TRPM5: variants seen among roughly 807,000 people sequenced by gnomAD.
TRPM5 encodes the protein transient receptor potential cation channel subfamily M member 5, also known as MLSN1 and TRP-related.
In TRPM5, 121 loss-of-function variants were observed where a neutral mutation model predicts 124.9. The observed-to-expected ratio is 0.97, with a 90% confidence interval of 0.84 to 1.13. The LOEUF (loss-of-function observed/expected upper bound fraction) is 1.13, where lower values mean the gene tolerates loss of function less well. Among genes scored for constraint, TRPM5 ranks in the 50% most tolerant of loss-of-function variants. The pLI is 0.00. For missense variants in TRPM5, 1,643 were observed against 1,589.1 expected (o/e 1.03, Z -0.58); for synonymous variants, 781 against 700.5 (o/e 1.11, Z -1.81).
the TRPM5 span, among the ~76,000 whole-genome samples, chr11:2,431,852 C>T: frequency 6.6e-6 from 1 of 152,190 alleles, no homozygotes; most frequent in South Asian, 2.1e-4. Flanking sequence ...CTTTCATTTA[C>T]TTTTTTGCTT....
chr11:2,417,646 G>T, intron 7 of TRPM5, 81 bp downstream of exon 12: 2 of 1,133,898 alleles, frequency 1.8e-6, no homozygotes, highest in Non-Finnish European at 2.6e-6. Context: ...ACAAACATTG[G>T]CCAGGCTGCC....
the TRPM5 span, among the ~76,000 whole-genome samples, chr11:2,430,136 C>T: frequency 6.6e-6 from 1 of 152,170 alleles, no homozygotes; most frequent in Non-Finnish European, 1.5e-5. Context: ...TTCCATGGCT[C>T]CCTATTACCC....
At chr11:2,418,191 C>T in exon 6 of TRPM5, 1 of 1,580,928 alleles carries the variant, frequency 6.3e-7, no homozygotes, top group South Asian at 1.1e-5. Context: ...GCACGATGTC[C>T]TCCCAAGAGA....
chr11:2,412,722 T>A, intron 15 of TRPM5, 32 bp downstream of exon 20: 2 of 1,545,454 alleles, frequency 1.3e-6, no homozygotes, highest in Non-Finnish European at 1.7e-6. Flanking sequence ...AGCTGCAGAG[T>A]GGAGGGGACC....
exon 15 of TRPM5, chr11:2,412,831 G>T: frequency 6.2e-7 from 1 of 1,603,604 alleles, no homozygotes; most frequent in Non-Finnish European, 8.5e-7. Flanking sequence ...CCCTGGGGGG[G>T]CGGCCTGAAG....
chr11:2,420,504 G>A, intron 3 of TRPM5, 99 bp from the exon 9 acceptor site: 1 of 1,280,816 alleles, frequency 7.8e-7, no homozygotes, highest in East Asian at 2.5e-5. Context: ...ACCACGCCAT[G>A]GGGCCCCGCA....
chr11:2,413,292 C>T (rs11605839), intron 13 of TRPM5, 66 bp from the exon 19 acceptor site: 156,193 of 1,454,112 alleles, frequency 0.11, 9,753 homozygotes, highest in South Asian at 0.23. Context: ...TGGCTCCAGG[C>T]GCTTGGCCAT....
the TRPM5 span, among the ~76,000 whole-genome samples, chr11:2,432,545 C>T: frequency 3.3e-5 from 5 of 152,186 alleles, no homozygotes; most frequent in South Asian, 8.3e-4. Flanking sequence ...GAGCGTGAGC[C>T]GTCCCTGACC....
Position 2,411,629 on chromosome 11 carries a change from G to C in TRPM5, c.2607+6C>G. ...AGGGCCAGGGCCAGGGCCCCCGGGG[G>C]CTCACCATGCGCTCTACCACGATGA... On this transcript the variant is annotated splice_donor_region_variant and intron_variant, in intron 17 of 23. Transcript: ENST00000155858. 6.2e-7 allele frequency: 1 copy of C among 1,612,078 alleles called. No individual in the cohort carries two copies.
chr11:2,407,989 AGC>A, intron 18 of TRPM5, 77 bp from the exon 24 acceptor site: 1 of 1,554,350 alleles, frequency 6.4e-7, no homozygotes, highest in Non-Finnish European at 8.7e-7. Flanking sequence ...CCCGAGATAG[AGC>A]GCTGAGTCCT....
intron 20 of TRPM5, 107 bp from the exon 26 acceptor site, chr11:2,406,900 G>T: frequency 6.8e-7 from 1 of 1,477,478 alleles, no homozygotes. Context: ...GAGTGAGTGG[G>T]GCCCAGCCAG....
At chr11:2,420,070 GGCCCAGGTCTCGGT>G in intron 4 of TRPM5, 138 bp downstream of exon 9, 1 of 323,370 alleles carries the variant, frequency 3.1e-6, no homozygotes, top group Non-Finnish European at 4.3e-6. Flanking sequence ...AGGCCCCCAC[GGCCCAGGTCTCGGT>G]GCTCAGGCAT....
intron 15 of TRPM5, 61 bp from the exon 21 acceptor site, chr11:2,412,314 T>A: frequency 9.4e-7 from 1 of 1,068,958 alleles, no homozygotes; most frequent in Non-Finnish European, 1.3e-6. Flanking sequence ...GGGACAGCCC[T>A]ACCTGGACAA....
chr11:2,422,308 G>T, exon 2 of TRPM5: 8 of 1,610,892 alleles, frequency 5.0e-6, no homozygotes, highest in Non-Finnish European at 6.8e-6. Flanking sequence ...CACTCCGCTC[G>T]GCACCCGTAC....
At chr11:2,412,649 T>G (rs2133513342) in intron 15 of TRPM5, 105 bp downstream of exon 20, 1 of 1,265,796 alleles carries the variant, frequency 7.9e-7, no homozygotes, top group South Asian at 1.6e-5. Flanking sequence ...ATGCTGTTCT[T>G]GTTTTACAGT....
upstream of TRPM5, among the ~76,000 whole-genome samples, chr11:2,425,490 G>A (rs937539294): frequency 1.3e-5 from 2 of 152,194 alleles, no homozygotes; most frequent in Non-Finnish European, 2.9e-5. Context: ...CATCTGCAAG[G>A]ACCCCACTTC....
the TRPM5 span, among the ~76,000 whole-genome samples, chr11:2,437,908 G>A: frequency 6.6e-6 from 1 of 152,118 alleles, no homozygotes; most frequent in Non-Finnish European, 1.5e-5. This position sits in a 1 kb window ranked among gnomAD's most constrained non-coding sequence, Gnocchi z 5.6. Flanking sequence ...AAGAACAGGG[G>A]CTTGCTGATG....
chr11:2,404,903 G>A (rs1173854944), exon 24 of TRPM5: 1 of 1,561,818 alleles, frequency 6.4e-7, no homozygotes, highest in Non-Finnish European at 8.8e-7. Flanking sequence ...GCCAGCTGAG[G>A]AGAGGTGGCC....
the TRPM5 span, among the ~76,000 whole-genome samples, chr11:2,428,524 A>G: frequency 1.5e-4 from 22 of 149,488 alleles, no homozygotes; most frequent in Admixed American, 1.5e-3. This position sits in a 1 kb window ranked among gnomAD's most constrained non-coding sequence, Gnocchi z 4.0. Context: ...GGTGGTGACA[A>G]TGATCATGGG....
Sources: allele counts gnomAD v4.1 joint callset (sites outside exome capture counted in the v4.1 genomes callset), GRCh38; gene constraint gnomAD v4.1.1; non-coding constraint Gnocchi (gnomAD v3.1); transcripts MANE v1.5; gene names NCBI Gene and HGNC (gene_info 2026-07-23, HGNC 2026-07-21).